TFDP1: variants seen among roughly 807,000 people sequenced by gnomAD.
TFDP1 encodes the protein DRTF1-polypeptide 1.
In TFDP1, 6 loss-of-function variants were observed where a neutral mutation model predicts 48.0. That is an observed-to-expected ratio of 0.13 (90% CI 0.07 to 0.25). The LOEUF (loss-of-function observed/expected upper bound fraction) is 0.25, where lower values mean the gene tolerates loss of function less well. Ranked by LOEUF, TFDP1 falls within the 10% of genes least tolerant of loss-of-function variation. The pLI is 1.00. For missense variants in TFDP1, 335 were observed against 543.0 expected (o/e 0.62, Z 3.81); for synonymous variants, 201 against 211.6 (o/e 0.95, Z 0.44).
chr13:113,625,780 T>C (rs79858939), intron 4 of TFDP1, among the ~76,000 whole-genome samples: 36 of 122,276 alleles, frequency 2.9e-4, no homozygotes, highest in East Asian at 9.0e-4. Flanking sequence ...GTCTCTCACG[T>C]GTCCTCAGGC....
Position 113,607,034 on chromosome 13 carries a change from ATGCCTC to A in TFDP1, c.13-3959_13-3954del, listed in dbSNP as rs1174999362. Among the ~76,000 whole-genome samples the A allele has an allele frequency of 6.6e-6, 1 of 152,234 alleles. No homozygotes were observed. The highest frequency in any genetic ancestry group is 1.9e-4 in the East Asian group (1 of 5,194). On this transcript the variant is annotated intron_variant, in intron 2 of 11. Coordinates refer to ENST00000375370, the MANE Select transcript of TFDP1 (RefSeq NM_007111.5). The surrounding 1 kb of genome is among the most constrained non-coding windows in gnomAD (Gnocchi z 5.2). ...TAGAGGCCCTGCGGCCCCAGAAGTCATGCCTCTGAGTCCGTGGTTCTTAGCTGAGGG... is the reference window on the plus strand; with the variant it reads ...TAGAGGCCCTGCGGCCCCAGAAGTCATGAGTCCGTGGTTCTTAGCTGAGGG...
chr13:113,633,436 T>C lies in TFDP1; in HGVS notation c.474+151T>C, dbSNP rs567846602. ...TTTACCAAACGAGTCAGTAAGTGTG[T>C]GCCGGGGCCGAGAGGCTGGGGTGGC... On this transcript the variant is annotated intron_variant, in intron 6 of 11. Coordinates refer to ENST00000375370, the MANE Select transcript of TFDP1 (RefSeq NM_007111.5). This position sits in a 1 kb window ranked among gnomAD's most constrained non-coding sequence, Gnocchi z 4.5. The C allele has an allele frequency of 2.2e-5, 21 of 959,148 alleles. No individual in the cohort carries two copies. The highest frequency in any genetic ancestry group is 3.2e-5 in the Non-Finnish European group (21 of 647,988). 59.4% of individuals were successfully genotyped at this position (959,148 alleles called of 1,614,324 possible).
At chr13:113,637,187 A>G in intron 10 of TFDP1, 1 of 179,930 alleles carries the variant, frequency 5.6e-6, no homozygotes, top group Non-Finnish European at 1.2e-5. Context: ...TGTTCTGGTG[A>G]ATTCTTTCCT....
intron 4 of TFDP1, 139 bp from the exon 5 acceptor site, chr13:113,631,484 G>C: frequency 8.7e-7 from 1 of 1,143,514 alleles, no homozygotes. Flanking sequence ...ACCGCTGGAC[G>C]TTTTTCCTGC....
intron 8 of TFDP1, among the ~76,000 whole-genome samples, chr13:113,635,057 A>G (rs1342272769): frequency 6.6e-6 from 1 of 152,246 alleles, no homozygotes; most frequent in Non-Finnish European, 1.5e-5. Context: ...CCCAAGGCCC[A>G]GGTGCCAGGC....
At chr13:113,609,723 G>A (rs1247415473) in intron 2 of TFDP1, among the ~76,000 whole-genome samples, 3 of 152,114 alleles carry the variant, frequency 2.0e-5, no homozygotes, top group African/African-American at 7.2e-5. Context: ...GCGTCTCCTT[G>A]TTCCCATGGT....
chr13:113,610,354 G>A (rs1422544257), intron 2 of TFDP1, among the ~76,000 whole-genome samples: 3 of 151,306 alleles, frequency 2.0e-5, no homozygotes, highest in Non-Finnish European at 2.9e-5. Context: ...TGCCCCCACC[G>A]TGTGCTGTAC....
intron 3 of TFDP1, among the ~76,000 whole-genome samples, chr13:113,613,145 T>C (rs2048748459): frequency 6.6e-6 from 1 of 152,116 alleles, no homozygotes; most frequent in African/African-American, 2.4e-5. Flanking sequence ...GCCTCCAGAG[T>C]AGCTGGGATT....
At chr13:113,586,016 T>C in intron 2 of TFDP1, 167 bp downstream of exon 2, 2 of 724,902 alleles carry the variant, frequency 2.8e-6, no homozygotes, top group Admixed American at 2.6e-5. Context: ...AAGGATCTGA[T>C]CTCTGAAGCT....
intron 4 of TFDP1, among the ~76,000 whole-genome samples, chr13:113,628,582 C>T (rs866386204): frequency 1.3e-5 from 2 of 152,256 alleles, no homozygotes; most frequent in African/African-American, 4.8e-5. Context: ...CTGGAAAGCC[C>T]TGGTTGGAGT....
intron 2 of TFDP1, among the ~76,000 whole-genome samples, chr13:113,588,396 G>C (rs1377085564): frequency 6.6e-6 from 1 of 152,220 alleles, no homozygotes; most frequent in Non-Finnish European, 1.5e-5. Flanking sequence ...GGAAGGTTCT[G>C]GAGAGAACAC....
intron 5 of TFDP1, 44 bp downstream of exon 5, chr13:113,631,788 C>G (rs755346393): frequency 5.6e-6 from 9 of 1,604,812 alleles, no homozygotes; most frequent in African/African-American, 1.3e-5. Flanking sequence ...GGACTGCTTG[C>G]GGTTCGCACC....
chr13:113,637,475 T>G, intron 10 of TFDP1: 1 of 838,496 alleles, frequency 1.2e-6, no homozygotes, highest in Non-Finnish European at 1.6e-6. Flanking sequence ...GCTGCCAGGA[T>G]GGGCTGTGGG....
chr13:113,631,470 G>A (rs940034339), intron 4 of TFDP1, among the ~76,000 whole-genome samples, 153 bp from the exon 5 acceptor site: 2 of 152,196 alleles, frequency 1.3e-5, no homozygotes, highest in Non-Finnish European at 2.9e-5. Context: ...TGACAAAAGC[G>A]TCCACCGCTG....
chr13:113,605,900 GCGGCGCGGTGAT>G, intron 2 of TFDP1, among the ~76,000 whole-genome samples: 1 of 141,452 alleles, frequency 7.1e-6, no homozygotes, highest in African/African-American at 2.9e-5. Flanking sequence ...AGTGTCCAAG[GCGGCGCGGTGAT>G]GAGTGTCCAT....
In TFDP1 at chr13:113,617,547, C is replaced by T. The variant is rs1369031691; in HGVS notation, c.80-5633C>T. 4.7e-3 allele frequency among the ~76,000 whole-genome samples: 678 copies of T among 145,394 alleles called. 23 individuals are homozygous for T. Among genetic ancestry groups the T allele is most frequent in the African/African-American group, 0.016 (580 of 36,564 alleles). Reference sequence around the variant, plus strand: ...GCAGAACCATTCACCTGCAGAGCCGCTCACCTGCAGAACCCTTCACCTGCA... The same window carrying T: ...GCAGAACCATTCACCTGCAGAGCCGTTCACCTGCAGAACCCTTCACCTGCA... On this transcript the variant is annotated intron_variant, in intron 3 of 11. Transcript: ENST00000375370.
chr13:113,624,712 T>C (rs1191351312), intron 4 of TFDP1, among the ~76,000 whole-genome samples: 1 of 127,580 alleles, frequency 7.8e-6, no homozygotes, highest in Non-Finnish European at 1.6e-5. Context: ...TCAGGGTATC[T>C]CTCACATGTC....
chr13:113,641,455 G>A lies in TFDP1; in HGVS notation c.*1188G>A, dbSNP rs544976027. The A allele has an allele frequency of 4.6e-5, 7 of 152,324 alleles. No individual in the cohort carries two copies. The highest frequency in any genetic ancestry group is 1.9e-4 in the East Asian group (1 of 5,190). The allele number at this position is 152,324 out of a possible 1,614,324, so 9.4% of individuals were successfully genotyped here. The stretch of plus-strand genomic sequence containing the variant: ...CTGTTAGTTTTTATTAATAAAACGC[G>A]CATGGGCATTTTAAACAAGCTGTGT... On this transcript the variant is annotated 3_prime_UTR_variant, in exon 12 of 12. Transcript: ENST00000375370.
chr13:113,584,843 G>C lies in TFDP1; in HGVS notation c.-110G>C, dbSNP rs2047955297. ...TCCGCGCCGCCCCGCGCTCCGCACC[G>C]CGCCCTCTCCGCGTCCCCGCCCGCG... is the stretch of plus-strand genomic sequence containing the variant. On this transcript the variant is annotated 5_prime_UTR_variant, in exon 1 of 12. Transcript: ENST00000375370. The C allele has an allele frequency of 6.8e-6, 1 of 146,136 alleles. No homozygotes were observed. Among genetic ancestry groups the C allele is most frequent in the Admixed American group, 6.8e-5 (1 of 14,716 alleles). 9.1% of individuals were successfully genotyped at this position (146,136 alleles called of 1,614,324 possible).
Sources: allele counts gnomAD v4.1 joint callset (sites outside exome capture counted in the v4.1 genomes callset), GRCh38; gene constraint gnomAD v4.1.1; non-coding constraint Gnocchi (gnomAD v3.1); transcripts MANE v1.5; gene names NCBI Gene and HGNC (gene_info 2026-07-23, HGNC 2026-07-21).